TCF4: variants seen among roughly 807,000 people sequenced by gnomAD.
The protein encoded by TCF4 is SL3-3 enhancer factor 2.
A neutral mutation model predicts 82.1 loss-of-function variants in TCF4; 3 were observed. The ratio of observed to expected loss-of-function variants is 0.04; its 90% CI spans 0.02 to 0.09. The LOEUF is 0.09. Among genes scored for constraint, TCF4 ranks in the 10% least tolerant of loss-of-function variants. The pLI is 1.00. For missense variants in TCF4, 518 were observed against 852.7 expected, an observed-to-expected ratio of 0.61 and a Z score of 4.89; for synonymous variants, 276 against 309.6, an observed-to-expected ratio of 0.89 and a Z score of 1.14.
intron 13 of TCF4, among the ~76,000 whole-genome samples, chr18:55,258,519 C>T (rs1191558352): frequency 1.3e-5 from 2 of 152,100 alleles, no homozygotes. Context: ...GATTTTTGTC[C>T]AAGCTCTGCT....
At chr18:55,348,638 T>C (rs2081691199) in intron 8 of TCF4, among the ~76,000 whole-genome samples, 1 of 152,160 alleles carries the variant, frequency 6.6e-6, no homozygotes, top group Non-Finnish European at 1.5e-5. Flanking sequence ...GGGAAATACT[T>C]AAACATTTAC....
chr18:55,603,137 C>T (rs1273748209), intron 2 of TCF4, among the ~76,000 whole-genome samples: 2 of 152,068 alleles, frequency 1.3e-5, no homozygotes, highest in African/African-American at 2.4e-5. Flanking sequence ...ATATTTCAGG[C>T]TGGAAAATTC....
At chr18:55,572,520 C>G (rs935576100) in intron 3 of TCF4, among the ~76,000 whole-genome samples, 14 of 152,082 alleles carry the variant, frequency 9.2e-5, no homozygotes, top group African/African-American at 3.4e-4. Context: ...TGTTCCTAAT[C>G]AGGAGTTACC....
chr18:55,239,658 C>G (rs1354512815), intron 15 of TCF4, among the ~76,000 whole-genome samples: 1 of 152,172 alleles, frequency 6.6e-6, no homozygotes, highest in Non-Finnish European at 1.5e-5. Context: ...GCCAAGATGT[C>G]TAACTAAATT....
chr18:55,418,019 G>C (rs2094582790), intron 5 of TCF4, among the ~76,000 whole-genome samples: 1 of 151,212 alleles, frequency 6.6e-6, no homozygotes, highest in African/African-American at 2.4e-5. Context: ...GTGTGTGTGT[G>C]TGTGTGTGTG....
At chr18:55,443,517 G>A in intron 5 of TCF4, among the ~76,000 whole-genome samples, 1 of 152,096 alleles carries the variant, frequency 6.6e-6, no homozygotes, top group South Asian at 2.1e-4. Context: ...CATATTTTCA[G>A]GTAATTTTAA....
At position 55,227,241 on chromosome 18, in the gene TCF4, A is replaced by G. The variant is rs2046711173; in HGVS notation, c.*794T>C. 1.4e-5 allele frequency: 2 copies of G among 147,510 alleles called. No homozygotes were observed. The highest frequency in any genetic ancestry group is 4.3e-4 in the South Asian group (2 of 4,686). The allele number at this position is 147,510 out of a possible 1,614,324, so 9.1% of individuals were successfully genotyped here. A position where few individuals can be genotyped will look rare whatever the true frequency, so the allele number is the denominator to read the frequency against. ...TAACAAACCAGGGAAAGGGACAGAA[A>G]TAAGACCAAAAAAAAAAAAATCCAT... On this transcript the variant is annotated 3_prime_UTR_variant, in exon 20 of 20. Coordinates refer to ENST00000354452, the MANE Select transcript of TCF4 (RefSeq NM_001083962.2).
chr18:55,578,889 T>C (rs1476309837), intron 3 of TCF4, among the ~76,000 whole-genome samples: 1 of 152,048 alleles, frequency 6.6e-6, no homozygotes. Flanking sequence ...AAAGCACCCA[T>C]TTGAACAATC....
chr18:55,489,723 G>C (rs954621836), intron 3 of TCF4, among the ~76,000 whole-genome samples: 1 of 152,148 alleles, frequency 6.6e-6, no homozygotes, highest in Non-Finnish European at 1.5e-5. Context: ...ATGTAATTTT[G>C]AAACAGACCT....
chr18:55,420,889 C>T lies in TCF4; in HGVS notation c.305-17371G>A, dbSNP rs1358492592. 2.9e-5 allele frequency among the ~76,000 whole-genome samples: 4 copies of T among 139,494 alleles called. No individual in the cohort carries two copies. The East Asian group carries it at 6.1e-4, about 21-fold the overall frequency. The allele number at this position is 139,494 out of a possible 152,430, so 91.5% of individuals were successfully genotyped here. On this transcript the variant is annotated intron_variant, in intron 5 of 19. Transcript: ENST00000354452. ...AAAAAGAACCAATCACAGCAGAAAG[C>T]GCTTTAAAAGAAAAAAAAAAAAAAA...
Position 55,261,069 on chromosome 18 carries a change from CTT to C in TCF4, c.990+395_990+396del, listed in dbSNP as rs78112276. 845 of 91,880 alleles carry C rather than the reference CTT, an allele frequency of 9.2e-3. 10 individuals are homozygous for C. The highest frequency in any genetic ancestry group is 0.031 in the African/African-American group (782 of 25,182). 5.7% of individuals were successfully genotyped at this position (91,880 alleles called of 1,614,324 possible). ...GTTCTTCATGGACCTCAGTTATTGT[CTT>C]TTTTTTTTTTTTTTTTTTTCAAATG... is the stretch of plus-strand genomic sequence containing the variant. On this transcript the variant is annotated intron_variant, in intron 12 of 19. Transcript: ENST00000354452.
intron 3 of TCF4, among the ~76,000 whole-genome samples, chr18:55,546,447 CAA>C (rs2097208204): frequency 6.6e-6 from 1 of 152,010 alleles, no homozygotes; most frequent in Non-Finnish European, 1.5e-5. Context: ...TTCCAACAAA[CAA>C]TATTATTTTT....
At chr18:55,588,601 C>G, upstream of TCF4, 1 of 1,507,624 alleles carries the variant, frequency 6.6e-7, no homozygotes, top group Middle Eastern at 1.7e-4. Flanking sequence ...CTCTTACTCT[C>G]GTTCCCTCTC....
chr18:55,313,374 G>C (rs1416480842), intron 8 of TCF4, among the ~76,000 whole-genome samples: 1 of 152,090 alleles, frequency 6.6e-6, no homozygotes, highest in Non-Finnish European at 1.5e-5. Context: ...AGTCTAAACT[G>C]ATATGAGAAT....
rs911794587 is a variant in TCF4, at chr18:55,365,921, AC to A, written c.370-14919del. The stretch of plus-strand genomic sequence containing the variant: ...AAAAGCAAAACAAAAAACAACAACA[AC>A]AAAAAAACTATTTTTGTGTGGGACG... On this transcript the variant is annotated intron_variant, in intron 6 of 19. Transcript: ENST00000354452. Among the ~76,000 whole-genome samples, 125 of 152,080 alleles carry A rather than the reference AC, an allele frequency of 8.2e-4. 1 individual carries two copies. Among genetic ancestry groups the A allele is most frequent in the African/African-American group, 2.9e-3 (121 of 41,472 alleles).
At chr18:55,257,693 G>A (rs1600418045) in intron 13 of TCF4, among the ~76,000 whole-genome samples, 1 of 152,114 alleles carries the variant, frequency 6.6e-6, no homozygotes, top group East Asian at 1.9e-4. Flanking sequence ...CTATCACCAT[G>A]GAATCAAGGT....
chr18:55,397,725 C>T (rs943900098), intron 6 of TCF4, among the ~76,000 whole-genome samples: 1 of 151,798 alleles, frequency 6.6e-6, no homozygotes, highest in African/African-American at 2.4e-5. Context: ...CTGTTAATCT[C>T]TTTAGGGATA....
intron 8 of TCF4, among the ~76,000 whole-genome samples, chr18:55,297,395 C>G (rs1009940479): frequency 2.0e-5 from 3 of 152,032 alleles, no homozygotes; most frequent in Non-Finnish European, 2.9e-5. Flanking sequence ...TTAGTAATGT[C>G]TTCCTTGTGG....
intron 8 of TCF4, among the ~76,000 whole-genome samples, chr18:55,337,067 C>T (rs1166285060): frequency 6.6e-6 from 1 of 151,714 alleles, no homozygotes; most frequent in Non-Finnish European, 1.5e-5. Context: ...TTTTAGTGTC[C>T]CCAGAACCTG....
Sources: gnomAD v4.1 joint callset for allele counts (sites outside exome capture counted in the v4.1 genomes callset) on GRCh38, gnomAD v4.1.1 for gene constraint, MANE v1.5 for transcripts, NCBI Gene and HGNC (gene_info 2026-07-23, HGNC 2026-07-21) for gene names.